IL2RB: variants seen among roughly 807,000 people sequenced by gnomAD.
The protein encoded by IL2RB is interleukin 2 receptor subunit beta, also known as interleukin-2 receptor subunit beta.
IL2RB carries 17 observed loss-of-function variants against 44.2 expected under a neutral mutation model. The observed-to-expected ratio is 0.38, with a 90% confidence interval of 0.26 to 0.58. The LOEUF is 0.58. IL2RB is among the 20% of genes least tolerant of loss of function. The pLI is 0.63. For synonymous variants in IL2RB, 286 were observed against 297.9 expected (o/e 0.96, Z 0.41); for missense variants, 624 against 685.5 (o/e 0.91, Z 1.00).
intron 2 of IL2RB, 149 bp downstream of exon 2, chr22:37,143,936 C>T: frequency 1.1e-6 from 1 of 912,350 alleles, no homozygotes; most frequent in Non-Finnish European, 1.7e-6. Context: ...TTCATGCATG[C>T]ATGCCAGGGC....
At chr22:37,130,488 G>T (rs975716402) in intron 9 of IL2RB, among the ~76,000 whole-genome samples, 6 of 152,210 alleles carry the variant, frequency 3.9e-5, no homozygotes, top group Non-Finnish European at 7.4e-5. Flanking sequence ...TGGGTCCTAG[G>T]GTGGAGGGGT....
intron 7 of IL2RB, 152 bp downstream of exon 7, chr22:37,136,076 T>A: frequency 2.5e-6 from 2 of 803,598 alleles, no homozygotes; most frequent in South Asian, 3.6e-5. Context: ...CCTGTTCCTG[T>A]CTGAAAAGCG....
intron 5 of IL2RB, 35 bp downstream of exon 5, chr22:37,139,082 C>A: frequency 7.1e-7 from 1 of 1,399,562 alleles, no homozygotes; most frequent in East Asian, 2.3e-5. Context: ...AGGTGCCCAG[C>A]CCTGCCCCAG....
intron 4 of IL2RB, among the ~76,000 whole-genome samples, chr22:37,140,125 G>A (rs1254632665): frequency 6.6e-6 from 1 of 152,082 alleles, no homozygotes; most frequent in Non-Finnish European, 1.5e-5. Context: ...CCGGGACCTT[G>A]GGCACCGTCC....
chr22:37,128,998 C>T lies in IL2RB; in HGVS notation c.904-150G>A. 1 of 961,234 alleles carries T rather than the reference C, an allele frequency of 1.0e-6. No homozygotes were observed. The highest frequency in any genetic ancestry group is 1.5e-6 in the Non-Finnish European group (1 of 668,016). The allele number at this position is 961,234 out of a possible 1,614,324, so 59.5% of individuals were successfully genotyped here. A position where few individuals can be genotyped will look rare whatever the true frequency, so the allele number is the denominator to read the frequency against. ...CCAGGAAGCTCTCCCTGATTATAGCCCCGCACTCCCCCAACCCACCCACTG... is the reference window on the plus strand; with the variant it reads ...CCAGGAAGCTCTCCCTGATTATAGCTCCGCACTCCCCCAACCCACCCACTG... On this transcript the variant is annotated intron_variant, in intron 9 of 9. Coordinates refer to ENST00000216223, the MANE Select transcript of IL2RB (RefSeq NM_000878.5). This position sits in a 1 kb window ranked among gnomAD's most constrained non-coding sequence, Gnocchi z 4.5.
chr22:37,130,763 T>G (rs1921384783), intron 9 of IL2RB, among the ~76,000 whole-genome samples: 1 of 152,268 alleles, frequency 6.6e-6, no homozygotes, highest in South Asian at 2.1e-4. Flanking sequence ...TCTATGCTTC[T>G]GACACATAGG....
At chr22:37,132,508 G>A in intron 8 of IL2RB, 40 bp from the exon 9 acceptor site, 1 of 1,514,030 alleles carries the variant, frequency 6.6e-7, no homozygotes, top group Non-Finnish European at 9.2e-7. Context: ...GGTGAGAAAG[G>A]GAAGGACCGC....
chr22:37,147,639 A>C (rs1922286290), intron 1 of IL2RB, among the ~76,000 whole-genome samples: 1 of 152,262 alleles, frequency 6.6e-6, no homozygotes, highest in Middle Eastern at 3.4e-3. Context: ...TCACTCTCTC[A>C]TGCTGTCCCA....
intron 1 of IL2RB, among the ~76,000 whole-genome samples, chr22:37,160,329 G>A (rs1922814612): frequency 6.6e-6 from 1 of 152,196 alleles, no homozygotes; most frequent in African/African-American, 2.4e-5. Flanking sequence ...CAGGCCCAGT[G>A]GGTACAGGAG....
chr22:37,133,698 T>C (rs1921542687), intron 8 of IL2RB, among the ~76,000 whole-genome samples: 1 of 152,200 alleles, frequency 6.6e-6, no homozygotes, highest in Non-Finnish European at 1.5e-5. Context: ...AAGTGGATCC[T>C]GTCCCACTTC....
chr22:37,131,191 A>C (rs1041477108), intron 9 of IL2RB, among the ~76,000 whole-genome samples: 1 of 152,012 alleles, frequency 6.6e-6, no homozygotes, highest in Admixed American at 6.6e-5. Flanking sequence ...TAAATAAATA[A>C]ATAAAAGCAC....
chr22:37,141,829 G>A lies in IL2RB; in HGVS notation c.282+605C>T, dbSNP rs1267508018. Among the ~76,000 whole-genome samples the A allele has an allele frequency of 6.6e-6, 1 of 152,228 alleles. No individual in the cohort carries two copies. Among genetic ancestry groups the A allele is most frequent in the Non-Finnish European group, 1.5e-5 (1 of 68,036 alleles). On this transcript the variant is annotated intron_variant, in intron 4 of 9. Coordinates refer to ENST00000216223, the MANE Select transcript of IL2RB (RefSeq NM_000878.5). The surrounding 1 kb of genome is among the most constrained non-coding windows in gnomAD (Gnocchi z 4.4). ...TGGCACTGGCCTGCAGGTGCCCCTT[G>A]GCCCGAGCAGCCTGGGCAGAAGGAG... is the stretch of plus-strand genomic sequence containing the variant.
intron 1 of IL2RB, among the ~76,000 whole-genome samples, chr22:37,167,348 A>T (rs229495): frequency 6.6e-6 from 1 of 152,148 alleles, no homozygotes; most frequent in Admixed American, 6.5e-5. Context: ...TCGTCCCACC[A>T]TCTCTCTGCC....
chr22:37,132,472 G>A lies in IL2RB; in HGVS notation c.819-4C>T, dbSNP rs578108830. 4 of 1,612,302 alleles carry A rather than the reference G, an allele frequency of 2.5e-6. No individual in the cohort carries two copies. The Admixed American group carries it at 5.0e-5, about 20-fold the overall frequency. On this transcript the variant is annotated splice_region_variant and splice_polypyrimidine_tract_variant and intron_variant, in intron 8 of 9. Transcript: ENST00000216223. ...ACACTTCAGGACCTTCTTCAGCCTG[G>A]ACAGAGGAGAGGAGGGAAGGAGGAG...
chr22:37,151,772 T>G (rs1202699913), upstream of IL2RB, among the ~76,000 whole-genome samples: 1 of 152,254 alleles, frequency 6.6e-6, no homozygotes. Flanking sequence ...TTCATTCTTC[T>G]GCATATGGAT....
chr22:37,137,775 A>G, intron 5 of IL2RB, 40 bp from the exon 6 acceptor site: 1 of 1,556,824 alleles, frequency 6.4e-7, no homozygotes, highest in Admixed American at 1.7e-5. Context: ...GTCAGCCATG[A>G]CCTCCACCTC....
intron 1 of IL2RB, among the ~76,000 whole-genome samples, chr22:37,158,837 T>G (rs1390506207): frequency 6.6e-6 from 1 of 152,214 alleles, no homozygotes; most frequent in Admixed American, 6.5e-5. Context: ...GTTTCCTACC[T>G]GAAACTGTCC....
chr22:37,138,709 G>A (rs1921819734), intron 5 of IL2RB, among the ~76,000 whole-genome samples: 1 of 152,194 alleles, frequency 6.6e-6, no homozygotes, highest in African/African-American at 2.4e-5. Context: ...AAGGGCTAGG[G>A]GAGTCTAGGA....
At chr22:37,164,468 G>A (rs1477937425) in intron 1 of IL2RB, among the ~76,000 whole-genome samples, 11 of 151,328 alleles carry the variant, frequency 7.3e-5, no homozygotes, top group Non-Finnish European at 1.6e-4. Flanking sequence ...CAGGAGTGAG[G>A]GGTGAGGGGC....
Sources: allele counts gnomAD v4.1 joint callset (sites outside exome capture counted in the v4.1 genomes callset), GRCh38; gene constraint gnomAD v4.1.1; non-coding constraint Gnocchi (gnomAD v3.1); transcripts MANE v1.5; gene names NCBI Gene and HGNC (gene_info 2026-07-23, HGNC 2026-07-21).